CPPED1: variants seen among roughly 807,000 people sequenced by gnomAD.
CPPED1 encodes calcineurin like phosphoesterase domain containing 1.
Under a neutral mutation model 28.0 loss-of-function variants are expected in CPPED1, and 28 were observed. The ratio of observed to expected loss-of-function variants is 1.00; its 90% CI spans 0.74 to 1.37. The LOEUF (loss-of-function observed/expected upper bound fraction) is 1.37. CPPED1 is among the 40% of genes most tolerant of loss of function. The probability of loss-of-function intolerance (pLI) is 0.00; values close to 1 mark genes in which losing one functional copy is unlikely to be tolerated. For missense variants in CPPED1, 504 were observed against 416.5 expected (o/e 1.21, Z -1.83); for synonymous variants, 198 against 180.2 (o/e 1.10, Z -0.79).
At chr16:12,764,789 G>A (rs779541445) in intron 2 of CPPED1, among the ~76,000 whole-genome samples, 2 of 152,168 alleles carry the variant, frequency 1.3e-5, no homozygotes, top group Admixed American at 6.5e-5. Context: ...ACCTCTTGAT[G>A]CCTCATGACT....
intron 3 of CPPED1, among the ~76,000 whole-genome samples, chr16:12,675,434 G>T (rs969959561): frequency 6.6e-6 from 1 of 152,082 alleles, no homozygotes; most frequent in Non-Finnish European, 1.5e-5. Context: ...TTTTCTCCAC[G>T]GTATCAAGTC....
At chr16:12,772,047 C>A (rs1045191880) in intron 2 of CPPED1, among the ~76,000 whole-genome samples, 1 of 152,022 alleles carries the variant, frequency 6.6e-6, no homozygotes, top group Non-Finnish European at 1.5e-5. Flanking sequence ...TGCTTGAACC[C>A]GGGAGGCGGA....
At chr16:12,752,819 C>G (rs1216552528) in intron 2 of CPPED1, among the ~76,000 whole-genome samples, 1 of 147,898 alleles carries the variant, frequency 6.8e-6, no homozygotes, top group Admixed American at 6.8e-5. Flanking sequence ...CAAGACATTA[C>G]ATAACATATA....
intron 2 of CPPED1, among the ~76,000 whole-genome samples, chr16:12,719,233 C>T (rs144322526): frequency 0.047 from 7,076 of 151,860 alleles, 229 homozygotes; most frequent in East Asian, 0.11. Flanking sequence ...CTACTAAAAA[C>T]ACAAAAAATT....
At position 12,698,698 on chromosome 16, in the gene CPPED1, C is replaced by A. The variant is rs376229477; in HGVS notation, c.715+5926G>T. The stretch of plus-strand genomic sequence containing the variant: ...CACCCACCTCGGCCTCCCAAAGTGC[C>A]GGGATTACAGGTGTGAGCCACTGCA... On this transcript the variant is annotated intron_variant, in intron 3 of 3. Transcript: ENST00000381774. Among the ~76,000 whole-genome samples, 5 of 152,146 alleles carry A rather than the reference C, an allele frequency of 3.3e-5. No individual in the cohort carries two copies. The East Asian group carries it at 9.7e-4, about 29-fold the overall frequency.
chr16:12,781,504 T>C, intron 1 of CPPED1, 101 bp from the exon 2 acceptor site: 1 of 985,878 alleles, frequency 1.0e-6, no homozygotes, highest in Non-Finnish European at 1.5e-6. Context: ...TTTTCTTAAA[T>C]TAAGTAGGTC....
intron 2 of CPPED1, among the ~76,000 whole-genome samples, chr16:12,722,247 G>C (rs2080145291): frequency 6.6e-6 from 1 of 152,208 alleles, no homozygotes; most frequent in South Asian, 2.1e-4. Context: ...GTGGCAGCGA[G>C]TGGACTTCCC....
At chr16:12,773,391 C>T (rs2080480461) in intron 2 of CPPED1, among the ~76,000 whole-genome samples, 1 of 152,322 alleles carries the variant, frequency 6.6e-6, no homozygotes, top group African/African-American at 2.4e-5. Flanking sequence ...TGTTCACAAA[C>T]CACTTGCATA....
intron 2 of CPPED1, among the ~76,000 whole-genome samples, chr16:12,730,766 C>A (rs185955861): frequency 2.6e-5 from 4 of 152,302 alleles, no homozygotes; most frequent in South Asian, 2.1e-4. Flanking sequence ...GGTGACAGAA[C>A]GTTGACTGAC....
At chr16:12,696,861 G>A (rs1374126456) in intron 3 of CPPED1, among the ~76,000 whole-genome samples, 1 of 152,000 alleles carries the variant, frequency 6.6e-6, no homozygotes, top group African/African-American at 2.4e-5. Flanking sequence ...ATGTTTAGTG[G>A]CTTATCCCAA....
At chr16:12,683,484 A>G (rs901028590) in intron 3 of CPPED1, among the ~76,000 whole-genome samples, 5 of 152,110 alleles carry the variant, frequency 3.3e-5, no homozygotes, top group African/African-American at 1.2e-4. Context: ...TTCCCAGCCA[A>G]CAATCGGTTC....
chr16:12,692,640 G>A (rs909911384), intron 3 of CPPED1, among the ~76,000 whole-genome samples: 1 of 152,166 alleles, frequency 6.6e-6, no homozygotes, highest in Admixed American at 6.5e-5. Context: ...GTGGGGTTGC[G>A]GTGGAGGTTT....
chr16:12,713,117 C>T (rs1483178950), intron 2 of CPPED1, among the ~76,000 whole-genome samples: 1 of 151,348 alleles, frequency 6.6e-6, no homozygotes, highest in Non-Finnish European at 1.5e-5. Flanking sequence ...AAAAAAAAAT[C>T]GCAGTGGGTA....
chr16:12,790,637 T>C (rs913560716), intron 1 of CPPED1, among the ~76,000 whole-genome samples: 1 of 152,190 alleles, frequency 6.6e-6, no homozygotes, highest in Admixed American at 6.5e-5. Context: ...AAAAGTCACA[T>C]TGGCCGGTCG....
chr16:12,795,457 A>G (rs1014895291), intron 1 of CPPED1, among the ~76,000 whole-genome samples: 6 of 152,116 alleles, frequency 3.9e-5, no homozygotes, highest in African/African-American at 1.4e-4. Flanking sequence ...CTCCTGCCTC[A>G]GCCTCCAGAG....
intron 3 of CPPED1, among the ~76,000 whole-genome samples, chr16:12,703,650 C>T (rs2080031976): frequency 6.7e-6 from 1 of 148,408 alleles, no homozygotes; most frequent in Admixed American, 6.8e-5. Context: ...CCACTGCACT[C>T]CAGCCTGGGC....
intron 2 of CPPED1, among the ~76,000 whole-genome samples, chr16:12,767,779 G>A (rs774524419): frequency 4.6e-5 from 7 of 152,156 alleles, no homozygotes; most frequent in Non-Finnish European, 7.4e-5. Flanking sequence ...CCAGCATGGT[G>A]AAACTCCATC....
At chr16:12,684,437 A>C (rs9934327) in intron 3 of CPPED1, among the ~76,000 whole-genome samples, 3 of 151,936 alleles carry the variant, frequency 2.0e-5, no homozygotes, top group African/African-American at 7.3e-5. Context: ...ATCAAACACA[A>C]TGTCTCCATT....
At chr16:12,801,170 T>G (rs12923612) in intron 1 of CPPED1, among the ~76,000 whole-genome samples, 3,729 of 152,340 alleles carry the variant, frequency 0.024, 103 homozygotes, top group East Asian at 0.14. Context: ...CTCGGCTCAC[T>G]GCAACTTCTG....
Sources: gnomAD v4.1 joint callset for allele counts (sites outside exome capture counted in the v4.1 genomes callset) on GRCh38, gnomAD v4.1.1 for gene constraint, MANE v1.5 for transcripts, NCBI Gene and HGNC (gene_info 2026-07-23, HGNC 2026-07-21) for gene names.